Variants in GSE1 observed in about 807,000 individuals in gnomAD.
The protein encoded by GSE1 is genetic suppressor element 1.
A neutral mutation model predicts 112.6 loss-of-function variants in GSE1; 32 were observed. The observed-to-expected ratio is 0.28, with a 90% CI of 0.21 to 0.38. The LOEUF is 0.38. Among genes scored for constraint, GSE1 ranks in the 10% least tolerant of loss-of-function variants. GSE1 has a pLI of 1.00. For missense variants in GSE1, 2,348 were observed against 1,699.2 expected, an observed-to-expected ratio of 1.38 and a Z score of -6.71; for synonymous variants, 1,115 against 735.6, an observed-to-expected ratio of 1.52 and a Z score of -8.35.
chr16:85,488,857 G>C (rs1315932060), intron 2 of GSE1, among the ~76,000 whole-genome samples: 2 of 152,132 alleles, frequency 1.3e-5, no homozygotes, highest in Non-Finnish European at 2.9e-5. Flanking sequence ...AGTGTGGCCA[G>C]AGAGGGAAGG....
intron 1 of GSE1, among the ~76,000 whole-genome samples, chr16:85,266,552 G>T (rs1228496191): frequency 6.6e-6 from 1 of 152,108 alleles, no homozygotes; most frequent in Admixed American, 6.5e-5. Context: ...AGGCTGATGG[G>T]TCTCCAACAC....
At chr16:85,452,725 A>G (rs2049720423) in intron 2 of GSE1, among the ~76,000 whole-genome samples, 1 of 152,192 alleles carries the variant, frequency 6.6e-6, no homozygotes, top group African/African-American at 2.4e-5. Context: ...CCCTCAGCAC[A>G]GGTCCTGGGA....
At chr16:85,627,553 C>A (rs1052536106) in intron 1 of GSE1, among the ~76,000 whole-genome samples, 1 of 151,524 alleles carries the variant, frequency 6.6e-6, no homozygotes, top group Non-Finnish European at 1.5e-5. Context: ...CAGAGCAGCA[C>A]GTGATGTAAA....
At chr16:85,194,541 T>C (rs544772560) in intron 1 of GSE1, among the ~76,000 whole-genome samples, 25 of 152,236 alleles carry the variant, frequency 1.6e-4, no homozygotes, top group African/African-American at 6.0e-4. Flanking sequence ...TCTGGAAGTA[T>C]GGGAGGTGAC....
intron 1 of GSE1, among the ~76,000 whole-genome samples, chr16:85,617,356 C>G (rs1435317239): frequency 6.6e-6 from 1 of 152,178 alleles, no homozygotes; most frequent in Non-Finnish European, 1.5e-5. Flanking sequence ...CCTGCACCTA[C>G]CAGTCATCTG....
At chr16:85,383,934 C>G (rs2047625633) in intron 2 of GSE1, among the ~76,000 whole-genome samples, 2 of 152,218 alleles carry the variant, frequency 1.3e-5, no homozygotes, top group Admixed American at 1.3e-4. Context: ...GAGCTGCTGT[C>G]CTCAATCCTT....
chr16:85,445,109 C>T (rs1024479533), intron 2 of GSE1, among the ~76,000 whole-genome samples: 1 of 152,258 alleles, frequency 6.6e-6, no homozygotes, highest in African/African-American at 2.4e-5. Flanking sequence ...CAGCCTGAAT[C>T]GCTGGTGGCA....
chr16:85,182,457 G>T (rs1474863672), intron 1 of GSE1, among the ~76,000 whole-genome samples: 1 of 152,206 alleles, frequency 6.6e-6, no homozygotes, highest in Non-Finnish European at 1.5e-5. Flanking sequence ...TCCCTGCAGG[G>T]GGGATCGCTG....
intron 2 of GSE1, among the ~76,000 whole-genome samples, chr16:85,504,522 G>T (rs987980649): frequency 1.3e-5 from 2 of 152,210 alleles, no homozygotes; most frequent in Non-Finnish European, 2.9e-5. Flanking sequence ...CATACGGTTA[G>T]TGTGAAGCCG....
chr16:85,491,623 G>C (rs903184611), intron 2 of GSE1, among the ~76,000 whole-genome samples: 8 of 152,112 alleles, frequency 5.3e-5, no homozygotes, highest in African/African-American at 1.9e-4. Flanking sequence ...GCTCAGGCGG[G>C]GTCATGGCCC....
chr16:85,265,271 A>C (rs576888141), intron 1 of GSE1, among the ~76,000 whole-genome samples: 2 of 152,162 alleles, frequency 1.3e-5, no homozygotes, highest in South Asian at 2.1e-4. Flanking sequence ...GCTTGTCACC[A>C]ATCCTGACTG....
At chr16:85,660,930 G>T (rs534757014) in intron 8 of GSE1, among the ~76,000 whole-genome samples, 120 of 152,118 alleles carry the variant, frequency 7.9e-4, no homozygotes, top group Non-Finnish European at 1.3e-3. Context: ...GCGCCCGGCC[G>T]AGTCTTTAAA....
At chr16:85,427,436 GT>G (rs1362269333) in intron 2 of GSE1, among the ~76,000 whole-genome samples, 39 of 152,324 alleles carry the variant, frequency 2.6e-4, no homozygotes, top group African/African-American at 9.4e-4. Flanking sequence ...GAGACCAGGA[GT>G]TTGAAACTAG....
At chr16:85,239,164 T>G (rs1408458114) in intron 1 of GSE1, among the ~76,000 whole-genome samples, 1 of 152,142 alleles carries the variant, frequency 6.6e-6, no homozygotes, top group Non-Finnish European at 1.5e-5. Context: ...ACTCCCGACC[T>G]CAAGTGATCC....
chr16:85,608,495 A>G (rs1204925712), upstream of GSE1, among the ~76,000 whole-genome samples: 1 of 151,408 alleles, frequency 6.6e-6, no homozygotes, highest in Non-Finnish European at 1.5e-5. Context: ...GCCCAGAGGT[A>G]AGAGCGTAGA....
chr16:85,413,503 G>T (rs1302746461), intron 2 of GSE1, among the ~76,000 whole-genome samples: 1 of 152,030 alleles, frequency 6.6e-6, no homozygotes, highest in Non-Finnish European at 1.5e-5. Flanking sequence ...GGCGGCAAGG[G>T]CTGAGGGTGG....
chr16:85,374,833 C>T (rs997727255), intron 2 of GSE1, among the ~76,000 whole-genome samples: 20 of 152,182 alleles, frequency 1.3e-4, no homozygotes, highest in African/African-American at 4.6e-4. Context: ...GGACAGCCCC[C>T]ATCCTCTGTG....
intron 2 of GSE1, among the ~76,000 whole-genome samples, chr16:85,420,993 G>A (rs1284992940): frequency 6.6e-6 from 1 of 152,240 alleles, no homozygotes; most frequent in Non-Finnish European, 1.5e-5. Flanking sequence ...TGTGCCACGT[G>A]ACGCTCTAGG....
rs745680419 is a variant in GSE1 at position 85,648,673 on chromosome 16, C to T, written c.348C>T (p.Ser116=). 93 of 1,603,310 alleles carry T rather than the reference C, an allele frequency of 5.8e-5. No individual in the cohort carries two copies. Among genetic ancestry groups the T allele is most frequent in the East Asian group, 9.0e-5 (4 of 44,604 alleles). ...GPIIVPPGGH[S]VPSTPPVVTI... ...TCATCGTCCCCCCTGGGGGCCACAG[C>T]GTGCCCAGCACCCCCCCCGTGGTGA... The change falls in exon 3 of 16, where the codon AGC becomes AGT. Residue 116 remains serine, a synonymous_variant. Transcript: ENST00000253458.
Sources: allele counts gnomAD v4.1 joint callset (sites outside exome capture counted in the v4.1 genomes callset), GRCh38; gene constraint gnomAD v4.1.1; transcripts MANE v1.5; gene names NCBI Gene and HGNC (gene_info 2026-07-23, HGNC 2026-07-21).